Variants in DCAF6 observed in about 807,000 individuals in gnomAD.
DCAF6 encodes the protein DDB1 and CUL4 associated factor 6, also known as DDB1- and CUL4-associated factor 6.
DCAF6 carries 54 observed loss-of-function variants against 125.1 expected under a neutral mutation model. That is an observed-to-expected ratio of 0.43 (90% CI 0.35 to 0.54). The LOEUF (loss-of-function observed/expected upper bound fraction) is 0.54, where lower values mean the gene tolerates loss of function less well. Among genes scored for constraint, DCAF6 ranks in the 20% least tolerant of loss-of-function variants. The probability of loss-of-function intolerance (pLI) is 0.01; values close to 1 mark genes in which losing one functional copy is unlikely to be tolerated. For missense variants in DCAF6, 934 were observed against 1,161.7 expected (o/e 0.80, Z 2.85); for synonymous variants, 371 against 390.4 (o/e 0.95, Z 0.58).
chr1:168,023,853 A>G (rs1294193037), intron 12 of DCAF6: 1 of 152,244 alleles, frequency 6.6e-6, no homozygotes, highest in Non-Finnish European at 1.5e-5. Flanking sequence ...ATATTGTGAC[A>G]AAGTGTGATA....
At chr1:167,949,259 C>G (rs1201766824) in intron 1 of DCAF6, among the ~76,000 whole-genome samples, 2 of 152,150 alleles carry the variant, frequency 1.3e-5, no homozygotes, top group African/African-American at 4.8e-5. Flanking sequence ...GGAGAAGATT[C>G]TTCATAGCTC....
At chr1:167,990,118 T>C (rs1680617924) in intron 5 of DCAF6, among the ~76,000 whole-genome samples, 1 of 152,176 alleles carries the variant, frequency 6.6e-6, no homozygotes, top group Non-Finnish European at 1.5e-5. Context: ...AGTCAGTTAA[T>C]TTTTTGTTAT....
intron 7 of DCAF6, among the ~76,000 whole-genome samples, chr1:167,999,931 CTGTT>C (rs888420846): frequency 6.6e-6 from 1 of 152,142 alleles, no homozygotes; most frequent in Admixed American, 6.5e-5. Flanking sequence ...AATTTGCTAA[CTGTT>C]TGGTGCAAGA....
At chr1:168,072,898 A>T (rs1027288280) in intron 21 of DCAF6, among the ~76,000 whole-genome samples, 2 of 152,206 alleles carry the variant, frequency 1.3e-5, no homozygotes, top group Non-Finnish European at 2.9e-5. Flanking sequence ...CTAACAGAAT[A>T]AAAGGAACCT....
intron 12 of DCAF6, among the ~76,000 whole-genome samples, chr1:168,029,256 T>G (rs76864596): frequency 0.011 from 1,673 of 152,342 alleles, 28 homozygotes; most frequent in African/African-American, 0.037. Flanking sequence ...GTTAAGAATT[T>G]AACATGCATC....
chr1:167,874,069 C>T, the DCAF6 span, among the ~76,000 whole-genome samples: 5 of 152,288 alleles, frequency 3.3e-5, no homozygotes, highest in South Asian at 4.1e-4. Flanking sequence ...CAGTGGCTCA[C>T]GCCTGTAATC....
the DCAF6 span, among the ~76,000 whole-genome samples, chr1:167,868,063 C>T: frequency 3.3e-5 from 5 of 152,066 alleles, no homozygotes; most frequent in African/African-American, 1.2e-4. Context: ...GAGTAAATAC[C>T]TTAGTAAAAG....
At chr1:167,896,602 C>T in the DCAF6 span, 1 of 1,610,946 alleles carries the variant, frequency 6.2e-7, no homozygotes, top group Non-Finnish European at 8.5e-7. Flanking sequence ...TACTTTTGTG[C>T]TCACCAGAAG....
intron 2 of DCAF6, among the ~76,000 whole-genome samples, chr1:167,965,010 C>T (rs1303326041): frequency 6.6e-6 from 1 of 152,226 alleles, no homozygotes; most frequent in African/African-American, 2.4e-5. Context: ...CCTGGTCTTA[C>T]AGTTCCAACA....
intron 16 of DCAF6, among the ~76,000 whole-genome samples, chr1:168,049,646 ATTTTTT>A (rs756012977): frequency 1.1e-5 from 1 of 90,300 alleles, no homozygotes; most frequent in Non-Finnish European, 2.1e-5. Flanking sequence ...TCTGCATATA[ATTTTTT>A]TTTTTTTTTT....
At chr1:168,072,454 A>G (rs776103460) in intron 21 of DCAF6, among the ~76,000 whole-genome samples, 1 of 151,996 alleles carries the variant, frequency 6.6e-6, no homozygotes, top group Non-Finnish European at 1.5e-5. Context: ...CTTAAGCTTT[A>G]ATTTCTTTAT....
At chr1:168,010,328 ATAAT>A (rs1369769584) in intron 10 of DCAF6, among the ~76,000 whole-genome samples, 5 of 152,168 alleles carry the variant, frequency 3.3e-5, no homozygotes, top group Non-Finnish European at 7.4e-5. Context: ...GGGTATGAAA[ATAAT>A]TAATTGAAGC....
chr1:167,994,298 A>G (rs1202099568), intron 7 of DCAF6, among the ~76,000 whole-genome samples: 1 of 152,186 alleles, frequency 6.6e-6, no homozygotes, highest in African/African-American at 2.4e-5. Flanking sequence ...AGCAGCAGCA[A>G]GAAAGATCAA....
intron 16 of DCAF6, among the ~76,000 whole-genome samples, chr1:168,046,748 TA>T (rs1440273879): frequency 6.6e-6 from 1 of 152,150 alleles, no homozygotes; most frequent in Non-Finnish European, 1.5e-5. Flanking sequence ...ATCAAACTGA[TA>T]ATTTCCAAAA....
chr1:167,900,259 A>G, the DCAF6 span, among the ~76,000 whole-genome samples: 1 of 152,162 alleles, frequency 6.6e-6, no homozygotes, highest in African/African-American at 2.4e-5. Flanking sequence ...TTTATTTTTT[A>G]TCTTCGCTCT....
the DCAF6 span, among the ~76,000 whole-genome samples, chr1:167,925,440 C>CATATATAT: frequency 1.6e-4 from 8 of 49,650 alleles, no homozygotes; most frequent in East Asian, 1.8e-3. Context: ...TATACATATA[C>CATATATAT]ACATATATAT....
At chr1:168,053,789 A>G (rs1000797489) in intron 17 of DCAF6, among the ~76,000 whole-genome samples, 1 of 152,160 alleles carries the variant, frequency 6.6e-6, no homozygotes. Context: ...GTTCACCACA[A>G]ATCATGTTAT....
intron 4 of DCAF6, among the ~76,000 whole-genome samples, chr1:167,986,726 C>T (rs1017592384): frequency 4.6e-5 from 7 of 152,124 alleles, no homozygotes; most frequent in East Asian, 1.9e-4. Flanking sequence ...TGGTAATGCT[C>T]GCTCACCTGC....
At chr1:167,955,169 G>A (rs1674583787) in intron 2 of DCAF6, among the ~76,000 whole-genome samples, 1 of 152,108 alleles carries the variant, frequency 6.6e-6, no homozygotes, top group African/African-American at 2.4e-5. Context: ...GTTTATCTCT[G>A]TTCACCTGTC....
Sources: allele counts gnomAD v4.1 joint callset (sites outside exome capture counted in the v4.1 genomes callset), GRCh38; gene constraint gnomAD v4.1.1; transcripts MANE v1.5; gene names NCBI Gene and HGNC (gene_info 2026-07-23, HGNC 2026-07-21).